TBL1Y: variants seen among roughly 807,000 people sequenced by gnomAD.
The protein encoded by TBL1Y is F-box-like/WD repeat-containing protein TBL1Y.
In TBL1Y, 15 loss-of-function variants were observed where a neutral mutation model predicts 12.0. That is an observed-to-expected ratio of 1.25 (90% confidence interval 0.83 to 1.92). TBL1Y has a LOEUF of 1.92. Ranked by LOEUF, TBL1Y falls within the 40% of genes most tolerant of loss-of-function variation. The pLI is 0.00. For synonymous variants in TBL1Y, 53 were observed against 42.6 expected (o/e 1.24, Z -0.95); for missense variants, 148 against 116.7 (o/e 1.27, Z -1.24).
At chrY:6,959,256 C>T (rs779808049) in intron 2 of TBL1Y, among the ~76,000 whole-genome samples, 9 of 33,510 alleles carry the variant, frequency 2.7e-4, no homozygotes, top group Admixed American at 2.2e-3. Flanking sequence ...TTTGTGAGCT[C>T]CAGGTTGGGT....
chrY:7,032,562 A>G (rs2012662487), intron 6 of TBL1Y, among the ~76,000 whole-genome samples: 1 of 33,250 alleles, frequency 3.0e-5, no homozygotes. Context: ...TGTTAGCTAC[A>G]CTGGTATCTG....
intron 3 of TBL1Y, among the ~76,000 whole-genome samples, chrY:6,978,558 G>A: frequency 5.9e-5 from 2 of 34,028 alleles, no homozygotes; most frequent in African/African-American, 2.3e-4. Context: ...TCTACCTCAT[G>A]ATGCAGTATG....
chrY:7,084,188 G>A, intron 14 of TBL1Y, among the ~76,000 whole-genome samples: 2 of 33,476 alleles, frequency 6.0e-5, no homozygotes, highest in Admixed American at 5.4e-4. Context: ...GGGCTGTCTG[G>A]GGCATATGGG....
intron 2 of TBL1Y, among the ~76,000 whole-genome samples, chrY:6,917,115 G>A: frequency 2.9e-5 from 1 of 34,413 alleles, no homozygotes; most frequent in Admixed American, 2.6e-4. Context: ...GCCTCAGGCC[G>A]GAACAGGTCT....
intron 8 of TBL1Y, among the ~76,000 whole-genome samples, 194 bp downstream of exon 8, chrY:7,064,343 C>G (rs2012953944): frequency 3.0e-5 from 1 of 33,313 alleles, no homozygotes; most frequent in Non-Finnish European, 7.4e-5. Flanking sequence ...TCAACCAGAC[C>G]TTCTTTACTC....
At chrY:6,973,198 G>T (rs2012218137) in intron 2 of TBL1Y, among the ~76,000 whole-genome samples, 2 of 32,856 alleles carry the variant, frequency 6.1e-5, no homozygotes, top group African/African-American at 2.4e-4. Flanking sequence ...AAATCAGAGG[G>T]GTATTTTCCT....
chrY:6,956,629 C>T (rs2012070960), intron 2 of TBL1Y, among the ~76,000 whole-genome samples: 1 of 32,327 alleles, frequency 3.1e-5, no homozygotes, highest in Admixed American at 2.8e-4. Context: ...ATTTTAGGAA[C>T]AAAATGTGGA....
At chrY:7,041,968 C>T in intron 6 of TBL1Y, among the ~76,000 whole-genome samples, 1 of 32,575 alleles carries the variant, frequency 3.1e-5, no homozygotes, top group Non-Finnish European at 7.5e-5. Flanking sequence ...CTGAAAACAC[C>T]TTTAAATTGC....
intron 6 of TBL1Y, among the ~76,000 whole-genome samples, chrY:7,025,727 C>G: frequency 1.5e-4 from 5 of 33,619 alleles, no homozygotes; most frequent in Non-Finnish European, 2.9e-4. Context: ...GTTATAGTTA[C>G]ATTTGCACTG....
chrY:6,992,217 T>A (rs2012371452), intron 3 of TBL1Y, among the ~76,000 whole-genome samples: 5 of 33,683 alleles, frequency 1.5e-4, no homozygotes, highest in Admixed American at 1.3e-3. Context: ...ATCAAAGTAT[T>A]AGGAAGCAGC....
At chrY:7,024,068 A>G in intron 5 of TBL1Y, among the ~76,000 whole-genome samples, 1 of 33,662 alleles carries the variant, frequency 3.0e-5, no homozygotes. Context: ...ATCCCTGCAA[A>G]GGACATGAAC....
intron 6 of TBL1Y, 144 bp from the exon 7 acceptor site, chrY:7,042,836 G>A: frequency 2.8e-6 from 1 of 363,633 alleles, no homozygotes. Flanking sequence ...CAAATCAGAA[G>A]GGCCCCTGGG....
At chrY:7,064,628 G>C in intron 8 of TBL1Y, among the ~76,000 whole-genome samples, 1 of 33,687 alleles carries the variant, frequency 3.0e-5, no homozygotes, top group African/African-American at 1.2e-4. Context: ...TTGCCAGCAA[G>C]TACATGGTAA....
At chrY:6,992,604 A>C in intron 3 of TBL1Y, among the ~76,000 whole-genome samples, 1 of 33,648 alleles carries the variant, frequency 3.0e-5, no homozygotes, top group African/African-American at 1.2e-4. Context: ...CTTTCTCCCC[A>C]TAAACATTGC....
At chrY:7,088,660 A>C in intron 17 of TBL1Y, among the ~76,000 whole-genome samples, 1 of 33,518 alleles carries the variant, frequency 3.0e-5, no homozygotes, top group African/African-American at 1.2e-4. Context: ...TCATCAAAAA[A>C]AAATGATACA....
chrY:7,027,677 G>A (rs889657626), intron 6 of TBL1Y, among the ~76,000 whole-genome samples: 1 of 32,225 alleles, frequency 3.1e-5, no homozygotes, highest in East Asian at 8.4e-4. Context: ...GTGACACTCC[G>A]TCTCAAAAAA....
intron 3 of TBL1Y, among the ~76,000 whole-genome samples, chrY:6,982,837 G>GAGC (rs2012295107): frequency 3.0e-5 from 1 of 33,248 alleles, no homozygotes; most frequent in South Asian, 7.0e-4. Context: ...CCTCCTGTCA[G>GAGC]AGCAGCAGCA....
chrY:7,063,582 TGAATGAGTCAGGGTGGAGTAGGTAATTG>T (rs2012915544), intron 7 of TBL1Y, among the ~76,000 whole-genome samples: 2 of 32,245 alleles, frequency 6.2e-5, no homozygotes, highest in Non-Finnish European at 1.5e-4. Context: ...GCAGGTAATC[TGAATGAGTCAGGGTGGAGTAGGTAATTG>T]GAATGAGTCA....
chrY:7,090,220 C>T, intron 18 of TBL1Y, 30 bp downstream of exon 18: 1 of 363,948 alleles, frequency 2.7e-6, no homozygotes, highest in South Asian at 3.1e-5. Context: ...TACCAGGGAA[C>T]AGGGTGTTGG....
Sources: gnomAD v4.1 joint callset for allele counts (sites outside exome capture counted in the v4.1 genomes callset) on GRCh38, gnomAD v4.1.1 for gene constraint, MANE v1.5 for transcripts, NCBI Gene and HGNC (gene_info 2026-07-23, HGNC 2026-07-21) for gene names.